The following CEMIP variants were observed in gnomAD, a reference collection of about 807,000 sequenced individuals.
The protein encoded by CEMIP is cell migration-inducing and hyaluronan-binding protein.
In CEMIP, 105 loss-of-function variants were observed where a neutral mutation model predicts 156.9. That is an observed-to-expected ratio of 0.67 (90% CI 0.57 to 0.79). The LOEUF is 0.79. Among genes scored for constraint, CEMIP ranks in the 30% least tolerant of loss-of-function variants. The probability of loss-of-function intolerance (pLI) is 0.00; values close to 1 mark genes in which losing one functional copy is unlikely to be tolerated. For synonymous variants in CEMIP, 676 were observed against 668.4 expected (o/e 1.01, Z -0.17); for missense variants, 1,457 against 1,769.4 (o/e 0.82, Z 3.17).
chr15:80,845,452 A>G (rs1190752690), intron 1 of CEMIP, among the ~76,000 whole-genome samples: 1 of 152,204 alleles, frequency 6.6e-6, no homozygotes, highest in Non-Finnish European at 1.5e-5. Context: ...CCAGAAATAT[A>G]TTGAGCAAAT....
At chr15:80,851,948 CAGG>C (rs1567069568) in intron 1 of CEMIP, among the ~76,000 whole-genome samples, 1 of 152,092 alleles carries the variant, frequency 6.6e-6, no homozygotes, top group African/African-American at 2.4e-5. Flanking sequence ...GGCTGACCAT[CAGG>C]AGGCCACCGT....
At chr15:80,826,136 G>A (rs1436875306) in intron 1 of CEMIP, among the ~76,000 whole-genome samples, 1 of 152,140 alleles carries the variant, frequency 6.6e-6, no homozygotes, top group African/African-American at 2.4e-5. Context: ...GCATGGTAGG[G>A]AATTAAAAAT....
chr15:80,839,289 A>ATGTGTGTGTGTGTGTGTGTGTGTGTGT (rs71455356), intron 1 of CEMIP, among the ~76,000 whole-genome samples: 82 of 131,178 alleles, frequency 6.3e-4, no homozygotes, highest in African/African-American at 2.4e-3. Context: ...CAAGGCCGTG[A>ATGTGTGTGTGTGTGTGTGTGTGTGTGT]GTGTGTGTGT....
chr15:80,804,918 C>T (rs1001993856), intron 1 of CEMIP, among the ~76,000 whole-genome samples: 1 of 152,092 alleles, frequency 6.6e-6, no homozygotes, highest in Non-Finnish European at 1.5e-5. Flanking sequence ...TAATTCATCG[C>T]TCATGTAGAA....
At chr15:80,813,350 A>ATTT (rs34253400) in intron 1 of CEMIP, among the ~76,000 whole-genome samples, 193 of 129,430 alleles carry the variant, frequency 1.5e-3, no homozygotes, top group African/African-American at 5.1e-3. Flanking sequence ...AGCAGTACGG[A>ATTT]TTTTTTTTTT....
intron 1 of CEMIP, among the ~76,000 whole-genome samples, chr15:80,862,621 G>A (rs868814726): frequency 6.6e-6 from 1 of 152,240 alleles, no homozygotes; most frequent in African/African-American, 2.4e-5. Flanking sequence ...TTCACTGTGA[G>A]GTAGGAGGCA....
chr15:80,807,800 T>A (rs147797520), intron 1 of CEMIP, among the ~76,000 whole-genome samples: 1 of 152,252 alleles, frequency 6.6e-6, no homozygotes, highest in East Asian at 1.9e-4. Context: ...TGCCATTGCA[T>A]TGACATTTAC....
At chr15:80,870,747 G>A (rs569062168) in intron 1 of CEMIP, among the ~76,000 whole-genome samples, 2 of 152,330 alleles carry the variant, frequency 1.3e-5, no homozygotes, top group African/African-American at 2.4e-5. Context: ...GGGGGCAGCC[G>A]AGCTTCTGGA....
intron 1 of CEMIP, among the ~76,000 whole-genome samples, chr15:80,850,519 T>C (rs1897690132): frequency 6.6e-6 from 1 of 152,108 alleles, no homozygotes; most frequent in South Asian, 2.1e-4. Context: ...CTTCAAGTGA[T>C]CCCGCCTTGG....
At chr15:80,948,469 G>A (rs1197991737) in intron 29 of CEMIP, 4 of 390,994 alleles carry the variant, frequency 1.0e-5, no homozygotes, top group Non-Finnish European at 2.0e-5. Flanking sequence ...TGTCCTAGGG[G>A]CAGCTCAAAG....
chr15:80,881,630 G>C (rs1898663795), intron 6 of CEMIP, among the ~76,000 whole-genome samples: 1 of 152,228 alleles, frequency 6.6e-6, no homozygotes, highest in Non-Finnish European at 1.5e-5. Context: ...CGGAAGAGCA[G>C]CATGCAATCA....
intron 1 of CEMIP, among the ~76,000 whole-genome samples, chr15:80,822,003 G>A (rs954893238): frequency 6.6e-6 from 1 of 152,244 alleles, no homozygotes; most frequent in Non-Finnish European, 1.5e-5. Context: ...GCTGCACCTT[G>A]AGACTGTGGT....
At chr15:80,917,823 G>A (rs775981482) in intron 14 of CEMIP, among the ~76,000 whole-genome samples, 7 of 152,000 alleles carry the variant, frequency 4.6e-5, no homozygotes, top group Admixed American at 3.9e-4. Flanking sequence ...CGTTTTCCTC[G>A]TCTCTAAAAA....
At chr15:80,798,694 G>C (rs1458438465) in intron 1 of CEMIP, among the ~76,000 whole-genome samples, 1 of 151,982 alleles carries the variant, frequency 6.6e-6, no homozygotes, top group East Asian at 1.9e-4. Context: ...CCTATTGATG[G>C]GGTATTCATA....
At chr15:80,896,484 T>G in intron 12 of CEMIP, 2 of 388,178 alleles carry the variant, frequency 5.2e-6, no homozygotes, top group Non-Finnish European at 1.0e-5. Flanking sequence ...TAGGGAAGCA[T>G]ATGTCTGTCA....
chr15:80,808,197 G>A (rs1287047082), intron 1 of CEMIP, among the ~76,000 whole-genome samples: 2 of 152,166 alleles, frequency 1.3e-5, no homozygotes, highest in Admixed American at 1.3e-4. Context: ...GATCACCATG[G>A]CCTGTTCAGT....
At chr15:80,789,066 T>C (rs1252682119) in intron 1 of CEMIP, among the ~76,000 whole-genome samples, 1 of 152,142 alleles carries the variant, frequency 6.6e-6, no homozygotes. Flanking sequence ...CCAAGGCGAG[T>C]GCCTTTCTTA....
At chr15:80,784,638 G>A (rs1895882961) in intron 1 of CEMIP, among the ~76,000 whole-genome samples, 1 of 152,186 alleles carries the variant, frequency 6.6e-6, no homozygotes, top group Non-Finnish European at 1.5e-5. Flanking sequence ...CAGGACCTGG[G>A]CAGGTTCCTT....
At position 80,951,770 on chromosome 15, in the gene CEMIP, C is replaced by T. The variant is rs1481747294; in HGVS notation, c.*2846C>T. 1.3e-5 allele frequency: 2 copies of T among 154,236 alleles called. No individual in the cohort carries two copies. The highest frequency in any genetic ancestry group is 6.5e-5 in the Admixed American group (1 of 15,460). The allele number at this position is 154,236 out of a possible 1,614,324, so 9.6% of individuals were successfully genotyped here. A position where few individuals can be genotyped will look rare whatever the true frequency, so the allele number is the denominator to read the frequency against. ...ATTATAGTAAACATACAAAGGATGT[C>T]ATCATCTTGTCTGTTTGTTTCATTT... On this transcript the variant is annotated 3_prime_UTR_variant, in exon 30 of 30. Transcript: ENST00000394685.
Sources: gnomAD v4.1 joint callset for allele counts (sites outside exome capture counted in the v4.1 genomes callset) on GRCh38, gnomAD v4.1.1 for gene constraint, MANE v1.5 for transcripts, NCBI Gene and HGNC (gene_info 2026-07-23, HGNC 2026-07-21) for gene names.